Variants in DOCK1 observed in about 807,000 individuals in gnomAD.
DOCK1 encodes the protein dedicator of cytokinesis protein 1.
A neutral mutation model predicts 262.7 loss-of-function variants in DOCK1; 138 were observed. The ratio of observed to expected loss-of-function variants is 0.53; its 90% CI spans 0.46 to 0.61. The LOEUF is 0.61. DOCK1 is among the 20% of genes least tolerant of loss of function. DOCK1 has a pLI of 0.00. For synonymous variants in DOCK1, 866 were observed against 867.4 expected (o/e 1.00, Z 0.03); for missense variants, 1,908 against 2,370.7 (o/e 0.80, Z 4.05).
At chr10:127,006,941 A>G (rs1415681429) in intron 10 of DOCK1, among the ~76,000 whole-genome samples, 2 of 152,080 alleles carry the variant, frequency 1.3e-5, no homozygotes, top group Non-Finnish European at 2.9e-5. Context: ...AAATGAGTTT[A>G]TTGAAGGATG....
At chr10:127,221,007 T>C (rs1284398623) in intron 27 of DOCK1, among the ~76,000 whole-genome samples, 2 of 152,204 alleles carry the variant, frequency 1.3e-5, no homozygotes, top group African/African-American at 4.8e-5. Flanking sequence ...AGATGTGTGG[T>C]TGCTAAGAGT....
At chr10:127,232,260 A>G (rs1053773302) in intron 27 of DOCK1, among the ~76,000 whole-genome samples, 2 of 152,180 alleles carry the variant, frequency 1.3e-5, no homozygotes, top group Non-Finnish European at 2.9e-5. Context: ...TCAGGAGTGG[A>G]AGAATCCCCG....
intron 23 of DOCK1, among the ~76,000 whole-genome samples, chr10:127,090,292 C>G (rs2047440195): frequency 6.6e-6 from 1 of 152,154 alleles, no homozygotes; most frequent in Non-Finnish European, 1.5e-5. Context: ...TTAACATAGA[C>G]TGAGGCTCCA....
intron 38 of DOCK1, among the ~76,000 whole-genome samples, chr10:127,395,655 G>C (rs1377252297): frequency 6.6e-6 from 1 of 152,196 alleles, no homozygotes; most frequent in Admixed American, 6.5e-5. Context: ...GCAACATGGT[G>C]GCAGCAGACT....
At chr10:127,086,331 C>T (rs1328894999) in intron 23 of DOCK1, among the ~76,000 whole-genome samples, 2 of 151,928 alleles carry the variant, frequency 1.3e-5, no homozygotes, top group Admixed American at 6.6e-5. Flanking sequence ...TCCCCAGGAG[C>T]TGAGTAACCT....
chr10:127,227,596 A>G (rs1340088937), intron 27 of DOCK1, among the ~76,000 whole-genome samples: 2 of 152,118 alleles, frequency 1.3e-5, no homozygotes, highest in African/African-American at 4.8e-5. Context: ...TGCAGAAACA[A>G]CCCTACCCCT....
intron 5 of DOCK1, 44 bp downstream of exon 5, chr10:126,987,661 G>T: frequency 6.8e-7 from 1 of 1,472,566 alleles, no homozygotes; most frequent in African/African-American, 1.4e-5. Flanking sequence ...AATAGAGAGT[G>T]GGCTTTTTTG....
At chr10:127,312,696 A>G (rs534497702) in intron 29 of DOCK1, among the ~76,000 whole-genome samples, 111 of 151,656 alleles carry the variant, frequency 7.3e-4, no homozygotes, top group Admixed American at 2.4e-3. Flanking sequence ...TCCCTCCTCT[A>G]TTTACCAAAA....
At chr10:127,438,138 G>A (rs2069822736) in intron 48 of DOCK1, among the ~76,000 whole-genome samples, 1 of 152,236 alleles carries the variant, frequency 6.6e-6, no homozygotes, top group African/African-American at 2.4e-5. Flanking sequence ...TGCTAGGGAT[G>A]AGACTCCAGT....
At position 127,175,433 on chromosome 10, in the gene DOCK1, C is replaced by G; in HGVS notation, c.2847+47669C>G. 2.5e-6 allele frequency: 4 copies of G among 1,612,754 alleles called. No homozygotes were observed. Among genetic ancestry groups the G allele is most frequent in the Non-Finnish European group, 3.4e-6 (4 of 1,180,036 alleles). ...CCGGCGGGGTGTGAGTCTGCGACGG[C>G]TGCTCACTACATTCGGGGGACAGGC... On this transcript the variant is annotated intron_variant, in intron 27 of 51. Coordinates refer to ENST00000623213, the MANE Select transcript of DOCK1 (RefSeq NM_001290223.2). This position sits in a 1 kb window ranked among gnomAD's most constrained non-coding sequence, Gnocchi z 6.3.
chr10:127,411,867 A>C (rs1284667167), intron 43 of DOCK1, among the ~76,000 whole-genome samples: 1 of 152,208 alleles, frequency 6.6e-6, no homozygotes, highest in East Asian at 1.9e-4. Flanking sequence ...GACATTGCAA[A>C]ATAAAACATC....
chr10:126,955,256 G>C (rs1357672440), intron 1 of DOCK1, among the ~76,000 whole-genome samples: 3 of 152,150 alleles, frequency 2.0e-5, no homozygotes, highest in African/African-American at 7.2e-5. Context: ...CTCCCAAGTA[G>C]CTGGGATTAT....
At chr10:127,264,135 C>G (rs2060273968) in intron 29 of DOCK1, among the ~76,000 whole-genome samples, 1 of 152,174 alleles carries the variant, frequency 6.6e-6, no homozygotes, top group African/African-American at 2.4e-5. Context: ...TAGCGTGTAA[C>G]AAAACCTTAT....
At chr10:127,228,177 C>A (rs1441418362) in intron 27 of DOCK1, among the ~76,000 whole-genome samples, 1 of 152,090 alleles carries the variant, frequency 6.6e-6, no homozygotes. Context: ...CAAAAACAAG[C>A]CATATTTGCC....
In DOCK1 at chr10:127,012,183, C is replaced by T. The variant is rs1339360441; in HGVS notation, c.1059-49C>T. 1 of 997,852 alleles carries T rather than the reference C, an allele frequency of 1.0e-6. No homozygotes were observed. Among genetic ancestry groups the T allele is most frequent in the African/African-American group, 1.6e-5 (1 of 63,126 alleles). The allele number at this position is 997,852 out of a possible 1,614,324, so 61.8% of individuals were successfully genotyped here. A position where few individuals can be genotyped will look rare whatever the true frequency, so the allele number is the denominator to read the frequency against. On this transcript the variant is annotated intron_variant, in intron 11 of 51. Transcript: ENST00000623213. The surrounding 1 kb of genome is among the most constrained non-coding windows in gnomAD (Gnocchi z 4.0). ...TCCCTTGTTACCGTGGCCCATGGGT[C>T]TCTGTGCCCCTTTGTCTCCTGTGGT...
chr10:127,199,818 G>A (rs1373406569), intron 27 of DOCK1, among the ~76,000 whole-genome samples: 8 of 152,168 alleles, frequency 5.3e-5, no homozygotes, highest in African/African-American at 1.9e-4. Context: ...GACCTCATTT[G>A]TCTGAGCATC....
chr10:127,229,219 A>G (rs1237089692), intron 27 of DOCK1, among the ~76,000 whole-genome samples: 1 of 152,180 alleles, frequency 6.6e-6, no homozygotes, highest in Admixed American at 6.5e-5. Context: ...GCAAGACTCC[A>G]TCTCAAAACA....
chr10:127,004,769 G>GCCCCCC (rs1285670669), intron 10 of DOCK1, among the ~76,000 whole-genome samples: 3 of 14,276 alleles, frequency 2.1e-4, no homozygotes, highest in Non-Finnish European at 2.9e-4. Flanking sequence ...CCCCTGCCCC[G>GCCCCCC]CCACCCCCCC....
chr10:127,451,066 G>C (rs1441731235), intron 51 of DOCK1, among the ~76,000 whole-genome samples: 1 of 152,112 alleles, frequency 6.6e-6, no homozygotes, highest in Non-Finnish European at 1.5e-5. Flanking sequence ...ATTTAAAAAG[G>C]CCACGCAAAG....
Sources: allele counts gnomAD v4.1 joint callset (sites outside exome capture counted in the v4.1 genomes callset), GRCh38; gene constraint gnomAD v4.1.1; non-coding constraint Gnocchi (gnomAD v3.1); transcripts MANE v1.5; gene names NCBI Gene and HGNC (gene_info 2026-07-23, HGNC 2026-07-21).